ABI3BP: variants seen among roughly 807,000 people sequenced by gnomAD.
ABI3BP encodes ABI family member 3 binding protein.
ABI3BP carries 216 observed loss-of-function variants against 268.6 expected under a neutral mutation model. That is an observed-to-expected ratio of 0.80 (90% CI 0.72 to 0.90). The LOEUF (loss-of-function observed/expected upper bound fraction) is 0.90. ABI3BP is among the 40% of genes least tolerant of loss of function. The probability of loss-of-function intolerance (pLI) is 0.00; values close to 1 mark genes in which losing one functional copy is unlikely to be tolerated. For missense variants in ABI3BP, 2,090 were observed against 2,182.4 expected, an observed-to-expected ratio of 0.96 and a Z score of 0.84; for synonymous variants, 730 against 730.0, an observed-to-expected ratio of 1.00 and a Z score of 0.00.
chr3:100,943,880 A>C (rs1039861378), intron 1 of ABI3BP, among the ~76,000 whole-genome samples: 1 of 152,124 alleles, frequency 6.6e-6, no homozygotes, highest in African/African-American at 2.4e-5. Context: ...TTCCAAGAAA[A>C]AGTGAAATTA....
At chr3:100,992,163 AAGTTTACTT>A (rs1440856604) in intron 1 of ABI3BP, among the ~76,000 whole-genome samples, 1 of 152,120 alleles carries the variant, frequency 6.6e-6, no homozygotes, top group Non-Finnish European at 1.5e-5. Flanking sequence ...AGAGTTGAGA[AAGTTTACTT>A]AGTCTTTTTT....
intron 2 of ABI3BP, among the ~76,000 whole-genome samples, chr3:100,908,378 C>A (rs536680352): frequency 6.6e-6 from 1 of 152,118 alleles, no homozygotes; most frequent in Admixed American, 6.5e-5. Flanking sequence ...TTCCTATACA[C>A]CAATAACAGA....
At chr3:100,769,940 T>C (rs142194075) in intron 62 of ABI3BP, among the ~76,000 whole-genome samples, 4 of 152,306 alleles carry the variant, frequency 2.6e-5, no homozygotes, top group African/African-American at 9.6e-5. Context: ...CCATGTGCAG[T>C]AGGAAATGTT....
chr3:100,833,794 G>A (rs1402281227), intron 29 of ABI3BP, among the ~76,000 whole-genome samples: 4 of 152,156 alleles, frequency 2.6e-5, no homozygotes, highest in Non-Finnish European at 5.9e-5. Context: ...TCAGGCATTC[G>A]AAGTGCTCTT....
intron 1 of ABI3BP, chr3:100,945,612 A>G (rs1170595953): frequency 2.2e-6 from 1 of 447,752 alleles, no homozygotes; most frequent in Middle Eastern, 3.3e-4. Flanking sequence ...GGCTTCTTTC[A>G]TTCAGCATCA....
chr3:100,911,918 A>C, intron 2 of ABI3BP: 1 of 1,310,562 alleles, frequency 7.6e-7, no homozygotes, highest in Non-Finnish European at 1.1e-6. Flanking sequence ...TCTTTTTGAC[A>C]TTGGAGAATA....
chr3:100,782,287 T>C (rs1359345635), intron 57 of ABI3BP, among the ~76,000 whole-genome samples: 7 of 151,970 alleles, frequency 4.6e-5, no homozygotes, highest in Non-Finnish European at 2.9e-5. Context: ...CTGAAGAGAA[T>C]CCAAATTTTG....
At chr3:100,935,599 C>G (rs577868555) in intron 1 of ABI3BP, among the ~76,000 whole-genome samples, 9 of 151,578 alleles carry the variant, frequency 5.9e-5, no homozygotes, top group Admixed American at 4.6e-4. Flanking sequence ...ATTGATTCTT[C>G]CTATCCATGA....
chr3:100,795,633 A>G (rs1322322318), intron 53 of ABI3BP, among the ~76,000 whole-genome samples, 171 bp downstream of exon 53: 1 of 152,060 alleles, frequency 6.6e-6, no homozygotes, highest in Non-Finnish European at 1.5e-5. Flanking sequence ...AAGCAAACCC[A>G]TTACAACACT....
chr3:100,843,176 C>T (rs928966943), intron 20 of ABI3BP, among the ~76,000 whole-genome samples: 1 of 152,106 alleles, frequency 6.6e-6, no homozygotes, highest in Non-Finnish European at 1.5e-5. Context: ...GCATAAGGTG[C>T]TATTTAAAGG....
chr3:100,825,094 T>A (rs1405069034), intron 35 of ABI3BP, among the ~76,000 whole-genome samples, 153 bp from the exon 36 acceptor site: 1 of 152,208 alleles, frequency 6.6e-6, no homozygotes, highest in Non-Finnish European at 1.5e-5. Flanking sequence ...GATGCGTCAT[T>A]TTATCATTGA....
chr3:100,878,248 G>A (rs1315674841), intron 6 of ABI3BP, among the ~76,000 whole-genome samples: 1 of 152,110 alleles, frequency 6.6e-6, no homozygotes, highest in Non-Finnish European at 1.5e-5. Flanking sequence ...ATACAAATTT[G>A]CATCCACAGT....
At chr3:100,823,958 C>T (rs889539156) in intron 36 of ABI3BP, among the ~76,000 whole-genome samples, 1 of 152,106 alleles carries the variant, frequency 6.6e-6, no homozygotes, top group South Asian at 2.1e-4. Flanking sequence ...AAAAAGTAAT[C>T]ATTGAAGTGG....
At chr3:100,987,318 G>T (rs1246783761) in intron 1 of ABI3BP, among the ~76,000 whole-genome samples, 1 of 152,066 alleles carries the variant, frequency 6.6e-6, no homozygotes, top group Non-Finnish European at 1.5e-5. Flanking sequence ...AACTGTCTTT[G>T]CTATAATATT....
intron 1 of ABI3BP, among the ~76,000 whole-genome samples, chr3:100,930,481 TA>T (rs1273105942): frequency 6.6e-6 from 1 of 151,584 alleles, no homozygotes; most frequent in Non-Finnish European, 1.5e-5. Flanking sequence ...GAAATTCTTT[TA>T]AAAAAAGTCT....
chr3:100,920,784 A>G (rs2059991641), intron 2 of ABI3BP, among the ~76,000 whole-genome samples: 1 of 152,178 alleles, frequency 6.6e-6, no homozygotes, highest in South Asian at 2.1e-4. Flanking sequence ...ATTATTCTCT[A>G]TTTTATAAAT....
intron 27 of ABI3BP, among the ~76,000 whole-genome samples, chr3:100,836,780 A>T (rs973249181): frequency 9.9e-5 from 15 of 152,146 alleles, no homozygotes; most frequent in Admixed American, 1.3e-4. Context: ...CAGCTTTTTC[A>T]TTGCTCCCCT....
intron 6 of ABI3BP, among the ~76,000 whole-genome samples, chr3:100,881,007 G>A (rs997604633): frequency 1.3e-5 from 2 of 152,032 alleles, no homozygotes; most frequent in Non-Finnish European, 2.9e-5. Context: ...GAGAACTTGG[G>A]CATATTAGAT....
chr3:100,808,116 A>G, intron 50 of ABI3BP, 45 bp downstream of exon 50: 1 of 1,549,642 alleles, frequency 6.5e-7, no homozygotes, highest in East Asian at 2.3e-5. Context: ...GAATAACCCC[A>G]CTAACCTCAA....
Sources: gnomAD v4.1 joint callset for allele counts (sites outside exome capture counted in the v4.1 genomes callset) on GRCh38, gnomAD v4.1.1 for gene constraint, MANE v1.5 for transcripts, NCBI Gene and HGNC (gene_info 2026-07-23, HGNC 2026-07-21) for gene names.